PLXNA4: variants seen among roughly 807,000 people sequenced by gnomAD.
The protein encoded by PLXNA4 is plexin A4.
PLXNA4 carries 44 observed loss-of-function variants against 191.8 expected under a neutral mutation model. The observed-to-expected ratio is 0.23, with a 90% CI of 0.18 to 0.29. The LOEUF is 0.29. Ranked by LOEUF, PLXNA4 falls within the 10% of genes least tolerant of loss-of-function variation. The probability of loss-of-function intolerance (pLI) is 1.00; values close to 1 mark genes in which losing one functional copy is unlikely to be tolerated. For synonymous variants in PLXNA4, 1,082 were observed against 1,009.5 expected (o/e 1.07, Z -1.36); for missense variants, 1,800 against 2,488.8 (o/e 0.72, Z 5.89).
chr7:132,510,685 CAGG>C (rs1419722275), intron 1 of PLXNA4, among the ~76,000 whole-genome samples: 3 of 152,152 alleles, frequency 2.0e-5, no homozygotes, highest in African/African-American at 4.8e-5. Flanking sequence ...GAGCAGGCTG[CAGG>C]AGGCCTTGGG....
chr7:132,268,313 C>T (rs915487078), intron 4 of PLXNA4, among the ~76,000 whole-genome samples: 1 of 152,214 alleles, frequency 6.6e-6, no homozygotes, highest in African/African-American at 2.4e-5. Flanking sequence ...AGCTCCCTTG[C>T]TTTAAAGTAT....
At position 132,482,960 on chromosome 7, in the gene PLXNA4, G is replaced by A. The variant is rs112763278; in HGVS notation, c.1371+6332C>T. 1.6e-3 allele frequency among the ~76,000 whole-genome samples: 236 copies of A among 152,094 alleles called. 4 individuals carry two copies. The highest frequency in any genetic ancestry group is 5.3e-3 in the African/African-American group (222 of 41,500). On this transcript the variant is annotated intron_variant, in intron 3 of 31. Transcript: ENST00000321063. ...TGTGCCTCAGCCTCCCAAAGTGCTG[G>A]GATTACAGGGGTGAGCCACCGCGCC...
In PLXNA4 at chr7:132,508,115, G is replaced by C. The variant is rs780087163; in HGVS notation, c.579C>G (p.Pro193=). Residue 193 remains proline, a synonymous_variant, in exon 2 of 32, where the codon CCC becomes CCG. Transcript: ENST00000321063. The surrounding 1 kb of genome is among the most constrained non-coding windows in gnomAD (Gnocchi z 4.4). ...GGCTGGAGATGGTGGGAAAATACTC[G>C]GGCTTCCCATCCACTGCCGTGGCAA... The part of the protein sequence containing the change: ...LFIATAVDGK[P]EYFPTISSRK... The C allele has an allele frequency of 2.0e-5, 32 of 1,614,178 alleles. No individual in the cohort carries two copies. The highest frequency in any genetic ancestry group is 3.3e-5 in the South Asian group (3 of 91,078).
chr7:132,526,267 G>T (rs2116400796), intron 1 of PLXNA4, among the ~76,000 whole-genome samples: 1 of 152,240 alleles, frequency 6.6e-6, no homozygotes, highest in Middle Eastern at 3.4e-3. Context: ...GGAACACATT[G>T]CATCCTCCAT....
intron 3 of PLXNA4, among the ~76,000 whole-genome samples, chr7:132,365,360 T>TGTGTGTGTGTGTGTGC: frequency 4.7e-5 from 6 of 128,828 alleles, no homozygotes; most frequent in African/African-American, 1.8e-4. Flanking sequence ...TGTGTGTGTG[T>TGTGTGTGTGTGTGTGC]GCGTGCGCGC....
At chr7:132,496,086 T>C (rs1335173782) in intron 2 of PLXNA4, among the ~76,000 whole-genome samples, 1 of 152,242 alleles carries the variant, frequency 6.6e-6, no homozygotes, top group Non-Finnish European at 1.5e-5. Flanking sequence ...GCTTCAGTTA[T>C]GTGCCTGGGG....
At chr7:132,511,754 G>A (rs1400432317) in intron 1 of PLXNA4, among the ~76,000 whole-genome samples, 1 of 152,218 alleles carries the variant, frequency 6.6e-6, no homozygotes, top group African/African-American at 2.4e-5. Context: ...CAAGATGAGT[G>A]ATGAAGAGTC....
chr7:132,310,830 C>A (rs1801699692), intron 3 of PLXNA4, among the ~76,000 whole-genome samples: 1 of 152,162 alleles, frequency 6.6e-6, no homozygotes, highest in African/African-American at 2.4e-5. Flanking sequence ...ACTGAGGCTG[C>A]CATCCAAGGA....
chr7:132,290,256 T>C (rs1800835709), intron 4 of PLXNA4, among the ~76,000 whole-genome samples: 1 of 152,242 alleles, frequency 6.6e-6, no homozygotes, highest in Non-Finnish European at 1.5e-5. Flanking sequence ...TTGAGGCTTC[T>C]GGCTTCCAGG....
intron 13 of PLXNA4, among the ~76,000 whole-genome samples, chr7:132,197,777 G>A (rs746729471): frequency 2.1e-4 from 32 of 152,120 alleles, no homozygotes; most frequent in Non-Finnish European, 4.3e-4. Context: ...ACATACCTAG[G>A]GGAAGACTTG....
Position 132,146,621 on chromosome 7 carries a change from T to G in PLXNA4, c.4944A>C (p.Gly1648=). 1.2e-6 allele frequency: 2 copies of G among 1,614,158 alleles called. No homozygotes were observed. Among genetic ancestry groups the G allele is most frequent in the Non-Finnish European group, 1.7e-6 (2 of 1,180,024 alleles). The change falls in exon 28 of 32, where the codon GGA becomes GGC. Residue 1648 remains glycine (G), a synonymous_variant. Transcript: ENST00000321063. ...TPMITPDLES[G]VKMWHLVKNH... ...TCTTCACTAGGTGCCACATCTTGACTCCACTCTCCAGGTCAGGAGTGATCA... is the reference window on the plus strand; with the variant it reads ...TCTTCACTAGGTGCCACATCTTGACGCCACTCTCCAGGTCAGGAGTGATCA...
In PLXNA4 at chr7:132,258,465, GT is replaced by G. The variant is rs1799509735; in HGVS notation, c.1504-17300del. On this transcript the variant is annotated intron_variant, in intron 4 of 31. Transcript: ENST00000321063. Reference sequence around the variant, plus strand: ...TGCTGGCAGTGGCTGCTGCAGGCTTGTTTTTGGGAGCAGAGTCAAGGAGCAG... The same window carrying G: ...TGCTGGCAGTGGCTGCTGCAGGCTTGTTTTGGGAGCAGAGTCAAGGAGCAG... Among the ~76,000 whole-genome samples the G allele has an allele frequency of 2.0e-5, 3 of 152,338 alleles. No homozygotes were observed. In the South Asian group the frequency reaches 6.2e-4, roughly 32 times the overall value.
At chr7:132,626,728 T>G (rs976138364) in intron 2 of PLXNA4, among the ~76,000 whole-genome samples, 1 of 152,180 alleles carries the variant, frequency 6.6e-6, no homozygotes, top group African/African-American at 2.4e-5. Context: ...AGGTATTTCC[T>G]TATATCAATG....
chr7:132,211,212 T>A, intron 9 of PLXNA4, 69 bp from the exon 10 acceptor site: 1 of 1,475,574 alleles, frequency 6.8e-7, no homozygotes, highest in East Asian at 2.5e-5. Flanking sequence ...TCTGCAGACA[T>A]AACCCGGATG....
chr7:132,146,623 C>T lies in PLXNA4; in HGVS notation c.4942G>A (p.Gly1648Arg), dbSNP rs1373453448. 3 of 1,614,180 alleles carry T rather than the reference C, an allele frequency of 1.9e-6. No individual in the cohort carries two copies. Among genetic ancestry groups the T allele is most frequent in the Non-Finnish European group, 2.5e-6 (3 of 1,180,044 alleles). ...TPMITPDLES[G>R]VKMWHLVKNH... ...TTCACTAGGTGCCACATCTTGACTC[C>T]ACTCTCCAGGTCAGGAGTGATCATA... The change falls in exon 28 of 32, where the codon GGA becomes AGA. Residue 1648 changes from glycine (G) to arginine (R), a missense_variant. Physicochemically the swap from Gly to Arg is moderately radical, Grantham distance 125. This residue lies in a region of PLXNA4 where 214 missense variants were observed against 298.2 expected (regional missense o/e 0.72). Transcript: ENST00000321063.
chr7:132,291,909 C>T (rs1300686855), intron 4 of PLXNA4, among the ~76,000 whole-genome samples: 1 of 152,204 alleles, frequency 6.6e-6, no homozygotes, highest in East Asian at 1.9e-4. Flanking sequence ...ATTCTCCTGC[C>T]TCAGCCTCCC....
intron 3 of PLXNA4, among the ~76,000 whole-genome samples, chr7:132,436,267 T>C (rs1795465373): frequency 1.3e-5 from 2 of 152,204 alleles, no homozygotes; most frequent in African/African-American, 4.8e-5. Context: ...GCACACTCCG[T>C]CCAACTCTGA....
intron 2 of PLXNA4, among the ~76,000 whole-genome samples, chr7:132,596,971 T>A (rs1181023923): frequency 6.6e-6 from 1 of 152,102 alleles, no homozygotes; most frequent in Non-Finnish European, 1.5e-5. Flanking sequence ...GGTTCTTAGG[T>A]CACACTAACT....
At chr7:132,551,356 C>T (rs932292835) in intron 1 of PLXNA4, among the ~76,000 whole-genome samples, 3 of 152,158 alleles carry the variant, frequency 2.0e-5, no homozygotes, top group Non-Finnish European at 2.9e-5. Context: ...GCAAAATCCC[C>T]CCACATACTA....
Sources: gnomAD v4.1 joint callset for allele counts (sites outside exome capture counted in the v4.1 genomes callset) on GRCh38, gnomAD v4.1.1 for gene constraint, gnomAD v4.1.1 regional missense constraint, Gnocchi (gnomAD v3.1) non-coding constraint, MANE v1.5 for transcripts, NCBI Gene and HGNC (gene_info 2026-07-23, HGNC 2026-07-21) for gene names.